The following LIPA variants were observed in gnomAD, a reference collection of about 807,000 sequenced individuals.
The protein encoded by LIPA is lysosomal acid lipase/cholesteryl ester hydrolase.
A neutral mutation model predicts 40.6 loss-of-function variants in LIPA; 26 were observed. The observed-to-expected ratio is 0.64, with a 90% CI of 0.47 to 0.89. LIPA has a LOEUF of 0.89. Among genes scored for constraint, LIPA ranks in the 40% least tolerant of loss-of-function variants. The pLI is 0.00. For synonymous variants in LIPA, 188 were observed against 168.4 expected, an observed-to-expected ratio of 1.12 and a Z score of -0.90; for missense variants, 455 against 479.6, an observed-to-expected ratio of 0.95 and a Z score of 0.48.
chr10:89,215,882 T>C, intron 9 of LIPA, 56 bp downstream of exon 9: 1 of 1,118,022 alleles, frequency 8.9e-7, no homozygotes, highest in Non-Finnish European at 1.4e-6. Context: ...TAGGCCAGGC[T>C]GGCTTTCTTG....
chr10:89,302,033 A>C, intron 1 of LIPA: 18 of 1,467,280 alleles, frequency 1.2e-5, no homozygotes, highest in Non-Finnish European at 1.7e-5. Flanking sequence ...AGGTCTCTTC[A>C]GCATTTATTG....
At chr10:89,406,864 G>A (rs552493467) in intron 2 of LIPA, among the ~76,000 whole-genome samples, 6 of 152,224 alleles carry the variant, frequency 3.9e-5, no homozygotes, top group South Asian at 2.1e-4. Flanking sequence ...AGGGACTATC[G>A]CCTATCACCT....
chr10:89,383,465 A>G (rs766625023), intron 2 of LIPA: 4 of 1,614,220 alleles, frequency 2.5e-6, no homozygotes, highest in African/African-American at 1.3e-5. Context: ...ACCAAATACA[A>G]TGTGGGAATA....
At chr10:89,247,695 A>C in intron 1 of LIPA, 46 bp from the exon 2 acceptor site, 1 of 1,353,432 alleles carries the variant, frequency 7.4e-7, no homozygotes, top group Non-Finnish European at 1.1e-6. Flanking sequence ...ATTTTACTAC[A>C]CAAAAATATT....
chr10:89,315,853 T>C (rs796173230), intron 1 of LIPA, among the ~76,000 whole-genome samples: 35 of 152,306 alleles, frequency 2.3e-4, no homozygotes, highest in African/African-American at 7.9e-4. Flanking sequence ...TAAACAGAGA[T>C]AATTAAATCT....
At chr10:89,381,882 C>T (rs912174705) in intron 2 of LIPA, among the ~76,000 whole-genome samples, 3 of 152,024 alleles carry the variant, frequency 2.0e-5, no homozygotes, top group African/African-American at 7.2e-5. Flanking sequence ...ACTTTCCAGA[C>T]TCAAGTGATT....
At chr10:89,410,258 T>C (rs2133644105) in intron 2 of LIPA, among the ~76,000 whole-genome samples, 1 of 152,366 alleles carries the variant, frequency 6.6e-6, no homozygotes, top group South Asian at 2.1e-4. Context: ...AGGAAGTTTA[T>C]GGCTATCAGA....
chr10:89,350,027 A>G (rs1452034744), intron 2 of LIPA, among the ~76,000 whole-genome samples: 2 of 152,176 alleles, frequency 1.3e-5, no homozygotes, highest in Non-Finnish European at 2.9e-5. Flanking sequence ...GCCCTCATCT[A>G]CCATTAGTTT....
chr10:89,282,242 A>C lies in LIPA; in HGVS notation c.-1-34593T>G, dbSNP rs188356316. On this transcript the variant is annotated intron_variant, in intron 1 of 5. Coordinates refer to the LIPA transcript ENST00000282673. ...AACGATTTTTATTTCTCTGAGCATA[A>C]AACTGAGACCTGTTTTATGATTTAT... is the stretch of plus-strand genomic sequence containing the variant. 8.5e-5 allele frequency among the ~76,000 whole-genome samples: 13 copies of C among 152,336 alleles called. No homozygotes were observed. In the East Asian group the frequency reaches 1.5e-3, roughly 18 times the overall value.
Position 89,228,301 on chromosome 10 carries a change from A to G in LIPA, c.327T>C (p.Ala109=), listed in dbSNP as rs1589558266. ...CCATCCACACGTCAAAACCAGCATC[A>G]GCAAGAATGAAGCCCAGGCTGCTGT... ...LANSSLGFIL[A]DAGFDVWMGN... The change falls in exon 4 of 10, where the codon GCT becomes GCC. Residue 109 remains alanine (A), a synonymous_variant. Transcript: ENST00000336233. 1 of 1,614,234 alleles carries G rather than the reference A, an allele frequency of 6.2e-7. No homozygotes were observed. Among genetic ancestry groups the G allele is most frequent in the Non-Finnish European group, 8.5e-7 (1 of 1,180,026 alleles).
intron 8 of LIPA, among the ~76,000 whole-genome samples, chr10:89,216,572 AT>A (rs1448000410): frequency 8.5e-5 from 13 of 152,144 alleles, no homozygotes; most frequent in African/African-American, 3.1e-4. Context: ...ATAAAAGATA[AT>A]AAAACAATAA....
intron 2 of LIPA, among the ~76,000 whole-genome samples, chr10:89,373,637 A>G (rs1355109867): frequency 1.3e-5 from 2 of 152,212 alleles, no homozygotes; most frequent in Non-Finnish European, 2.9e-5. Context: ...ACCAAAGCAT[A>G]GAAAAATAAA....
intron 5 of LIPA, 71 bp from the exon 6 acceptor site, chr10:89,225,299 G>GTCACTCGCGACGCCCTC (rs1564753760): frequency 6.3e-7 from 1 of 1,593,288 alleles, no homozygotes; most frequent in African/African-American, 1.3e-5. Context: ...CACAAAGGCC[G>GTCACTCGCGACGCCCTC]TCACTCGCGA....
At chr10:89,354,416 G>C (rs1299311619) in intron 2 of LIPA, among the ~76,000 whole-genome samples, 4 of 152,124 alleles carry the variant, frequency 2.6e-5, no homozygotes, top group African/African-American at 9.7e-5. Context: ...ATGGGCCATT[G>C]GTCACTCATA....
chr10:89,389,421 T>G (rs191531880), intron 2 of LIPA, among the ~76,000 whole-genome samples: 5 of 152,196 alleles, frequency 3.3e-5, no homozygotes, highest in African/African-American at 1.2e-4. Context: ...TGGAAAGGAC[T>G]GCTGAGGAGA....
intron 2 of LIPA, among the ~76,000 whole-genome samples, chr10:89,359,813 T>TCACACA (rs1266622568): frequency 7.8e-6 from 1 of 128,426 alleles, no homozygotes; most frequent in African/African-American, 2.9e-5. Flanking sequence ...TCTCTCTCTC[T>TCACACA]CTCACACACA....
intron 1 of LIPA, among the ~76,000 whole-genome samples, chr10:89,274,646 G>A (rs1412168117): frequency 7.9e-5 from 12 of 152,100 alleles, no homozygotes; most frequent in East Asian, 3.9e-4. Flanking sequence ...AAACAATCCC[G>A]TTTATTGCTG....
intron 1 of LIPA, among the ~76,000 whole-genome samples, chr10:89,322,520 C>T (rs910108246): frequency 6.6e-6 from 1 of 152,158 alleles, no homozygotes; most frequent in African/African-American, 2.4e-5. Flanking sequence ...CGACAGGGAC[C>T]TGTGCAAGAC....
At position 89,245,879 on chromosome 10, in the gene LIPA, T is replaced by C. The variant is rs987538882; in HGVS notation, c.112-86A>G. The C allele has an allele frequency of 3.8e-6, 3 of 797,872 alleles. No homozygotes were observed. In the African/African-American group the frequency reaches 5.0e-5, roughly 13 times the overall value. 49.4% of individuals were successfully genotyped at this position (797,872 alleles called of 1,614,324 possible). A position where few individuals can be genotyped will look rare whatever the true frequency, so the allele number is the denominator to read the frequency against. ...AACAAGCAAAGGAGCAGATAAACTA[T>C]GTTCTCCAGGCTTTAAGAAAGCATT... On this transcript the variant is annotated intron_variant, in intron 2 of 9. Transcript: ENST00000336233.
Sources: gnomAD v4.1 joint callset for allele counts (sites outside exome capture counted in the v4.1 genomes callset) on GRCh38, gnomAD v4.1.1 for gene constraint, MANE v1.5 for transcripts, NCBI Gene and HGNC (gene_info 2026-07-23, HGNC 2026-07-21) for gene names.